The following SNTG1 variants were observed in gnomAD, a reference collection of about 807,000 sequenced individuals.
SNTG1 encodes gamma-1-syntrophin.
In SNTG1, 39 loss-of-function variants were observed where a neutral mutation model predicts 74.7. The observed-to-expected ratio is 0.52, with a 90% CI of 0.40 to 0.68. SNTG1 has a LOEUF of 0.68. SNTG1 is among the 30% of genes least tolerant of loss of function. The pLI, the probability that SNTG1 is intolerant of heterozygous loss-of-function variation, is 0.00. For missense variants in SNTG1, 685 were observed against 609.5 expected (o/e 1.12, Z -1.30); for synonymous variants, 254 against 217.1 (o/e 1.17, Z -1.49).
chr8:50,521,960 C>T (rs532461637), intron 9 of SNTG1, among the ~76,000 whole-genome samples: 3 of 152,136 alleles, frequency 2.0e-5, no homozygotes, highest in Admixed American at 6.6e-5. Flanking sequence ...TTCCAAATGC[C>T]TCTTAATATT....
At chr8:50,473,473 T>C (rs2093669410) in intron 8 of SNTG1, among the ~76,000 whole-genome samples, 1 of 152,100 alleles carries the variant, frequency 6.6e-6, no homozygotes, top group Non-Finnish European at 1.5e-5. Context: ...TTGGTGGAAA[T>C]GTAAAATGGT....
chr8:49,969,901 A>T (rs992725602), intron 1 of SNTG1, among the ~76,000 whole-genome samples: 2 of 139,184 alleles, frequency 1.4e-5, no homozygotes, highest in African/African-American at 5.3e-5. Flanking sequence ...CTGCTTTTTG[A>T]TGGTGGAATA....
intron 1 of SNTG1, among the ~76,000 whole-genome samples, chr8:50,101,987 T>G (rs1380753811): frequency 2.0e-5 from 3 of 151,840 alleles, no homozygotes; most frequent in African/African-American, 4.8e-5. Flanking sequence ...GTTCCAAGTC[T>G]TTGCTATTGT....
chr8:50,177,540 A>G (rs2083043985), intron 2 of SNTG1, among the ~76,000 whole-genome samples: 1 of 152,196 alleles, frequency 6.6e-6, no homozygotes, highest in Admixed American at 6.5e-5. Context: ...TGGGACACAC[A>G]GAGACCCTGG....
intron 17 of SNTG1, among the ~76,000 whole-genome samples, chr8:50,727,460 A>T (rs990558753): frequency 6.6e-6 from 1 of 152,116 alleles, no homozygotes; most frequent in Non-Finnish European, 1.5e-5. Flanking sequence ...TGAGCAGAGA[A>T]CCACAATATC....
At chr8:50,084,411 G>C (rs1295364465) in intron 1 of SNTG1, among the ~76,000 whole-genome samples, 1 of 152,064 alleles carries the variant, frequency 6.6e-6, no homozygotes, top group Non-Finnish European at 1.5e-5. Context: ...AGTGAGCCTA[G>C]GTCACACCAC....
chr8:50,212,909 G>A (rs1373984114), intron 2 of SNTG1, among the ~76,000 whole-genome samples: 1 of 152,184 alleles, frequency 6.6e-6, no homozygotes, highest in African/African-American at 2.4e-5. Context: ...TTCTGTGAGA[G>A]AACGTGTGGA....
At chr8:50,624,251 T>G (rs191857059) in intron 13 of SNTG1, among the ~76,000 whole-genome samples, 4 of 152,158 alleles carry the variant, frequency 2.6e-5, no homozygotes, top group Admixed American at 2.6e-4. Flanking sequence ...TTCTAATGCC[T>G]CTCACTAGAA....
intron 5 of SNTG1, among the ~76,000 whole-genome samples, chr8:50,444,460 G>A (rs1242903632): frequency 2.0e-5 from 3 of 152,050 alleles, no homozygotes; most frequent in East Asian, 3.9e-4. Context: ...CATCATAAAA[G>A]TAGATAACAG....
At chr8:49,997,033 T>C (rs1814288777) in intron 1 of SNTG1, among the ~76,000 whole-genome samples, 1 of 152,156 alleles carries the variant, frequency 6.6e-6, no homozygotes, top group Non-Finnish European at 1.5e-5. Flanking sequence ...AATTAGCTTT[T>C]TAAAAGGGAG....
At chr8:50,025,802 T>G (rs1351565278) in intron 1 of SNTG1, among the ~76,000 whole-genome samples, 1 of 152,210 alleles carries the variant, frequency 6.6e-6, no homozygotes, top group Non-Finnish European at 1.5e-5. Context: ...TCCTAATTGA[T>G]ACATTGTAAC....
chr8:50,102,588 C>G (rs1182608272), intron 1 of SNTG1, among the ~76,000 whole-genome samples: 1 of 147,180 alleles, frequency 6.8e-6, no homozygotes, highest in Admixed American at 6.7e-5. Flanking sequence ...TCAATTTTGG[C>G]TTTTGTTGCC....
At chr8:50,382,646 T>C (rs2055369104) in intron 2 of SNTG1, among the ~76,000 whole-genome samples, 1 of 152,178 alleles carries the variant, frequency 6.6e-6, no homozygotes, top group Admixed American at 6.5e-5. Flanking sequence ...ATATTTCAAT[T>C]TTTTTAAAAA....
chr8:50,066,156 G>C (rs577015977), intron 1 of SNTG1, among the ~76,000 whole-genome samples: 1 of 151,912 alleles, frequency 6.6e-6, no homozygotes, highest in Non-Finnish European at 1.5e-5. Context: ...CGGAGGTTGC[G>C]GTGAGCTCAG....
intron 8 of SNTG1, among the ~76,000 whole-genome samples, chr8:50,485,322 C>T (rs981079425): frequency 4.6e-5 from 7 of 152,168 alleles, no homozygotes; most frequent in African/African-American, 1.7e-4. Flanking sequence ...CAAAAAAACA[C>T]TTTGAATCCT....
chr8:49,970,233 A>T lies in SNTG1; in HGVS notation c.-103+58002A>T, dbSNP rs76357238. On this transcript the variant is annotated intron_variant, in intron 1 of 18. Transcript: ENST00000642720. ...GATGAGTAAGAGGTGCTACGAGATC[A>T]TCACGAGGAAATTTCAGCACCAACA... Among the ~76,000 whole-genome samples the T allele has an allele frequency of 5.3e-3, 809 of 152,226 alleles. 13 individuals carry two copies. The highest frequency in any genetic ancestry group is 0.018 in the African/African-American group (765 of 41,508).
intron 8 of SNTG1, among the ~76,000 whole-genome samples, chr8:50,494,668 T>G (rs1467342092): frequency 6.6e-6 from 1 of 152,060 alleles, no homozygotes; most frequent in African/African-American, 2.4e-5. Flanking sequence ...CAACAAATGC[T>G]GAAATAGTGT....
At chr8:50,477,718 G>T (rs1383092466) in intron 8 of SNTG1, among the ~76,000 whole-genome samples, 22 of 152,136 alleles carry the variant, frequency 1.4e-4, no homozygotes, top group Admixed American at 1.4e-3. Flanking sequence ...TGTTCATATA[G>T]GAAACCGGAT....
intron 1 of SNTG1, among the ~76,000 whole-genome samples, chr8:50,150,236 T>A (rs1055962587): frequency 3.3e-5 from 5 of 152,214 alleles, no homozygotes; most frequent in African/African-American, 9.7e-5. Context: ...TTTTTGCACA[T>A]TGATTTTGTA....
Sources: gnomAD v4.1 joint callset for allele counts (sites outside exome capture counted in the v4.1 genomes callset) on GRCh38, gnomAD v4.1.1 for gene constraint, MANE v1.5 for transcripts, NCBI Gene and HGNC (gene_info 2026-07-23, HGNC 2026-07-21) for gene names.